The following ST6GAL1 variants were observed in gnomAD, a reference collection of about 807,000 sequenced individuals.
ST6GAL1 encodes the protein beta-galactoside alpha-2,6-sialyltransferase 1.
A neutral mutation model predicts 38.0 loss-of-function variants in ST6GAL1; 20 were observed. The ratio of observed to expected loss-of-function variants is 0.53; its 90% CI spans 0.37 to 0.77. ST6GAL1 has a LOEUF of 0.77. Among genes scored for constraint, ST6GAL1 ranks in the 30% least tolerant of loss-of-function variants. The pLI, the probability that ST6GAL1 is intolerant of heterozygous loss-of-function variation, is 0.00. For missense variants in ST6GAL1, 432 were observed against 496.4 expected, an observed-to-expected ratio of 0.87 and a Z score of 1.23; for synonymous variants, 196 against 188.2, an observed-to-expected ratio of 1.04 and a Z score of -0.34.
intron 2 of ST6GAL1, among the ~76,000 whole-genome samples, chr3:187,028,364 C>T (rs752674026): frequency 4.6e-5 from 7 of 152,068 alleles, no homozygotes; most frequent in Non-Finnish European, 8.8e-5. Flanking sequence ...TAAAACTCTC[C>T]CCACTCCCAA....
Position 186,987,525 on chromosome 3 carries a change from AGT to A in ST6GAL1, c.-183+23602_-183+23603del, listed in dbSNP as rs1715991699. Among the ~76,000 whole-genome samples the A allele has an allele frequency of 2.0e-5, 3 of 152,182 alleles. No individual in the cohort carries two copies. The South Asian group carries it at 6.2e-4, about 32-fold the overall frequency. The stretch of plus-strand genomic sequence containing the variant: ...AGCCAGATTCCCCAGCACCCAGCAT[AGT>A]GTCTTATTCTTAGGAGAATTTGAGA... On this transcript the variant is annotated intron_variant, in intron 2 of 7. Coordinates refer to ENST00000169298, the MANE Select transcript of ST6GAL1 (RefSeq NM_173216.2).
intron 1 of ST6GAL1, among the ~76,000 whole-genome samples, chr3:186,943,562 GTC>G (rs1162317278): frequency 6.6e-6 from 1 of 152,112 alleles, no homozygotes; most frequent in Non-Finnish European, 1.5e-5. Context: ...CCATTCCCCT[GTC>G]TCAGCCTCCT....
chr3:187,060,235 A>T (rs1718863436), intron 5 of ST6GAL1, among the ~76,000 whole-genome samples: 1 of 152,156 alleles, frequency 6.6e-6, no homozygotes, highest in African/African-American at 2.4e-5. Context: ...ATCTCAGCTC[A>T]CTGCAAACAC....
intron 1 of ST6GAL1, among the ~76,000 whole-genome samples, chr3:186,956,440 C>G (rs533540314): frequency 6.6e-6 from 1 of 152,110 alleles, no homozygotes; most frequent in South Asian, 2.1e-4. Flanking sequence ...AGTTTTAAGA[C>G]CCGATTAAGA....
At chr3:187,027,060 A>G (rs1717564740) in intron 2 of ST6GAL1, among the ~76,000 whole-genome samples, 1 of 151,926 alleles carries the variant, frequency 6.6e-6, no homozygotes, top group Non-Finnish European at 1.5e-5. Context: ...AAAAAAATAA[A>G]TAAATAAATA....
chr3:187,067,244 G>A (rs554535007), intron 5 of ST6GAL1, among the ~76,000 whole-genome samples: 5 of 151,478 alleles, frequency 3.3e-5, no homozygotes, highest in African/African-American at 7.3e-5. Flanking sequence ...CCGCCACCAC[G>A]CCTGGCTAAT....
intron 5 of ST6GAL1, chr3:187,071,953 C>T (rs1719395505): frequency 6.6e-6 from 1 of 152,080 alleles, no homozygotes; most frequent in Non-Finnish European, 1.5e-5. Flanking sequence ...TTAACATTTA[C>T]ATGCATTATT....
intron 2 of ST6GAL1, among the ~76,000 whole-genome samples, chr3:186,985,788 GAAAAAA>G (rs1335620793): frequency 2.2e-5 from 3 of 134,840 alleles, no homozygotes; most frequent in Admixed American, 2.2e-4. Flanking sequence ...AAAAAAAAAA[GAAAAAA>G]GAAAAAGAAA....
chr3:186,964,467 T>A (rs974047925), intron 2 of ST6GAL1: 12 of 152,222 alleles, frequency 7.9e-5, no homozygotes, highest in African/African-American at 2.2e-4. Context: ...GGAAAAATTC[T>A]GTTGTGGAAG....
chr3:187,058,553 G>A (rs925806756), intron 5 of ST6GAL1, among the ~76,000 whole-genome samples: 16 of 151,644 alleles, frequency 1.1e-4, no homozygotes, highest in African/African-American at 2.2e-4. Context: ...TTCTATCACC[G>A]TCACATCTTC....
At chr3:187,035,908 A>G (rs1255406000) in intron 2 of ST6GAL1, among the ~76,000 whole-genome samples, 1 of 149,460 alleles carries the variant, frequency 6.7e-6, no homozygotes, top group Non-Finnish European at 1.5e-5. Flanking sequence ...GACAAGTGGG[A>G]TCTAATTAAA....
intron 2 of ST6GAL1, among the ~76,000 whole-genome samples, chr3:186,981,314 T>G (rs1450971014): frequency 6.6e-6 from 1 of 152,224 alleles, no homozygotes. Context: ...GGTTTCTGAT[T>G]GGTGAAGCCT....
intron 2 of ST6GAL1, among the ~76,000 whole-genome samples, chr3:187,033,780 T>C (rs977531883): frequency 1.3e-5 from 2 of 152,180 alleles, no homozygotes; most frequent in African/African-American, 4.8e-5. Context: ...TTAGGAAAGT[T>C]TGTAGTGCTT....
chr3:186,984,914 T>C (rs1715854519), intron 2 of ST6GAL1, among the ~76,000 whole-genome samples: 1 of 150,222 alleles, frequency 6.7e-6, no homozygotes, highest in Non-Finnish European at 1.5e-5. Context: ...GTCTCTCTCT[T>C]TTCTTTCTTT....
intron 5 of ST6GAL1, among the ~76,000 whole-genome samples, chr3:187,060,598 G>A (rs1010679940): frequency 2.6e-5 from 4 of 152,226 alleles, no homozygotes; most frequent in Admixed American, 2.6e-4. Flanking sequence ...TAGATACGCT[G>A]ATAGCTTGCA....
intron 2 of ST6GAL1, among the ~76,000 whole-genome samples, chr3:187,030,937 G>A (rs2108572226): frequency 1.3e-5 from 2 of 152,316 alleles, no homozygotes; most frequent in East Asian, 3.9e-4. Flanking sequence ...TGGGTGGGTA[G>A]GTGGGAGGGA....
At chr3:187,029,708 C>T (rs1179822879) in intron 2 of ST6GAL1, among the ~76,000 whole-genome samples, 1 of 152,222 alleles carries the variant, frequency 6.6e-6, no homozygotes, top group Non-Finnish European at 1.5e-5. Flanking sequence ...TGCTCAGTTG[C>T]ATGTTTGCTG....
chr3:187,025,353 G>T, intron 2 of ST6GAL1: 1 of 152,328 alleles, frequency 6.6e-6, no homozygotes. Flanking sequence ...TCTTTGTCTG[G>T]CTCTCTGTAG....
At chr3:187,005,267 TTC>T (rs1716744256) in intron 2 of ST6GAL1, among the ~76,000 whole-genome samples, 4 of 87,486 alleles carry the variant, frequency 4.6e-5, no homozygotes, top group Non-Finnish European at 6.1e-5. Flanking sequence ...CTTTTTCTTT[TTC>T]TTTTTTTTTT....
Sources: allele counts gnomAD v4.1 joint callset (sites outside exome capture counted in the v4.1 genomes callset), GRCh38; gene constraint gnomAD v4.1.1; transcripts MANE v1.5; gene names NCBI Gene and HGNC (gene_info 2026-07-23, HGNC 2026-07-21).